The following ZNF804B variants were observed in gnomAD, a reference collection of about 807,000 sequenced individuals.
ZNF804B encodes zinc finger 804B.
In ZNF804B, 80 loss-of-function variants were observed where a neutral mutation model predicts 101.4. The ratio of observed to expected loss-of-function variants is 0.79; its 90% confidence interval spans 0.66 to 0.95. ZNF804B has a LOEUF of 0.95. Among genes scored for constraint, ZNF804B ranks in the 40% least tolerant of loss-of-function variants. ZNF804B has a pLI of 0.00. For synonymous variants in ZNF804B, 622 were observed against 558.8 expected (o/e 1.11, Z -1.59); for missense variants, 1,673 against 1,561.9 (o/e 1.07, Z -1.20).
At chr7:89,332,004 A>G (rs1790991840) in intron 3 of ZNF804B, among the ~76,000 whole-genome samples, 1 of 151,334 alleles carries the variant, frequency 6.6e-6, no homozygotes, top group Non-Finnish European at 1.5e-5. Context: ...ACATATATGT[A>G]TATATTAATA....
At chr7:88,980,073 T>A (rs1191191440) in intron 1 of ZNF804B, among the ~76,000 whole-genome samples, 3 of 151,906 alleles carry the variant, frequency 2.0e-5, no homozygotes, top group Admixed American at 6.6e-5. Flanking sequence ...TTCTTTTTTT[T>A]TTATTATTAT....
chr7:88,903,350 A>G (rs1792420530), intron 1 of ZNF804B, among the ~76,000 whole-genome samples: 1 of 152,086 alleles, frequency 6.6e-6, no homozygotes. Context: ...TATCCAGTCC[A>G]CCATTGATGG....
chr7:89,128,584 A>C (rs559170064), intron 1 of ZNF804B, among the ~76,000 whole-genome samples: 12 of 151,980 alleles, frequency 7.9e-5, no homozygotes, highest in Non-Finnish European at 1.8e-4. Context: ...AATGAGGTTG[A>C]ACATCTTTTT....
At chr7:88,931,011 A>G (rs1168897191) in intron 1 of ZNF804B, among the ~76,000 whole-genome samples, 1 of 151,860 alleles carries the variant, frequency 6.6e-6, no homozygotes, top group Non-Finnish European at 1.5e-5. Context: ...GAATTGAACC[A>G]TAACATTTAT....
chr7:88,801,548 C>T (rs763278152), intron 1 of ZNF804B, among the ~76,000 whole-genome samples: 16 of 152,078 alleles, frequency 1.1e-4, no homozygotes, highest in Non-Finnish European at 1.8e-4. Flanking sequence ...GCCAGCTTAA[C>T]AGTAAATTGT....
intron 1 of ZNF804B, chr7:88,794,274 G>T: frequency 6.2e-7 from 1 of 1,613,806 alleles, no homozygotes; most frequent in Non-Finnish European, 8.5e-7. Flanking sequence ...CCGGGTCCAT[G>T]AATTCTTCGG....
Position 89,334,088 on chromosome 7 carries a change from C to T in ZNF804B, c.1106C>T (p.Pro369Leu). ...TGCCAAGCAAATGCTTCCTTCAGCCCACCAAACATTTACAACCATAGTGAT... is the reference window on the plus strand; with the variant it reads ...TGCCAAGCAAATGCTTCCTTCAGCCTACCAAACATTTACAACCATAGTGAT... Reference protein sequence around the residue: ...HPCQANASFSPPNIYNHSDAR... With the variant: ...HPCQANASFSLPNIYNHSDAR... The change falls in exon 4 of 4, where the codon CCA (proline) becomes CTA (leucine). Residue 369 changes from proline to leucine, a missense_variant. Transcript: ENST00000333190. 6.2e-7 allele frequency: 1 copy of T among 1,613,640 alleles called. No homozygotes were observed. The highest frequency in any genetic ancestry group is 8.5e-7 in the Non-Finnish European group (1 of 1,179,820).
intron 2 of ZNF804B, among the ~76,000 whole-genome samples, chr7:89,285,838 TTTG>T (rs1209214630): frequency 6.6e-6 from 1 of 152,188 alleles, no homozygotes; most frequent in Non-Finnish European, 1.5e-5. Context: ...GCTGCCAGTT[TTTG>T]TTTTACAAGA....
chr7:89,253,737 C>T (rs6977968), intron 2 of ZNF804B, among the ~76,000 whole-genome samples: 5,339 of 152,096 alleles, frequency 0.035, 292 homozygotes, highest in African/African-American at 0.12. Context: ...ATGTATATTA[C>T]AGGCCCACCT....
In ZNF804B at chr7:89,219,827, G is replaced by A. The variant is rs569998632; in HGVS notation, c.249+1532G>A. Among the ~76,000 whole-genome samples the A allele has an allele frequency of 1.1e-4, 16 of 147,456 alleles. No individual in the cohort carries two copies. In the South Asian group the frequency reaches 3.4e-3, roughly 31 times the overall value. On this transcript the variant is annotated intron_variant, in intron 2 of 3. Transcript: ENST00000333190. ...AGACATCACTAGCATTATATTGAGT[G>A]TATACTAAATATATATGTATATATA... is the stretch of plus-strand genomic sequence containing the variant.
intron 1 of ZNF804B, among the ~76,000 whole-genome samples, chr7:89,012,759 A>T (rs1788484352): frequency 6.6e-6 from 1 of 152,170 alleles, no homozygotes; most frequent in Non-Finnish European, 1.5e-5. Context: ...TCTGCCTGTT[A>T]CCCAGTTCTG....
chr7:89,047,612 C>T (rs1789130620), intron 1 of ZNF804B, among the ~76,000 whole-genome samples: 1 of 152,122 alleles, frequency 6.6e-6, no homozygotes, highest in Non-Finnish European at 1.5e-5. Context: ...TATAAATGTT[C>T]AATAAGCTAT....
At chr7:89,317,096 T>C (rs541320804) in intron 2 of ZNF804B, among the ~76,000 whole-genome samples, 61 of 152,294 alleles carry the variant, frequency 4.0e-4, no homozygotes, top group African/African-American at 1.4e-3. Flanking sequence ...AGACTAAGAC[T>C]AAGGCTGAAA....
intron 1 of ZNF804B, among the ~76,000 whole-genome samples, chr7:88,910,195 C>T (rs1049132442): frequency 6.6e-6 from 1 of 151,848 alleles, no homozygotes; most frequent in Non-Finnish European, 1.5e-5. Context: ...AGGTTTATCT[C>T]TCACCATTGG....
At chr7:89,138,816 T>G (rs1790674495) in intron 1 of ZNF804B, among the ~76,000 whole-genome samples, 1 of 152,134 alleles carries the variant, frequency 6.6e-6, no homozygotes, top group Non-Finnish European at 1.5e-5. Context: ...AGCTCTCTTT[T>G]TTTGCCTGCT....
At chr7:89,277,522 C>G (rs1341749998) in intron 2 of ZNF804B, among the ~76,000 whole-genome samples, 2 of 124,040 alleles carry the variant, frequency 1.6e-5, no homozygotes, top group African/African-American at 6.2e-5. Flanking sequence ...ACAACAGTCC[C>G]CAGAGTGTGA....
At chr7:89,185,046 C>G (rs903177046) in intron 1 of ZNF804B, among the ~76,000 whole-genome samples, 5 of 152,002 alleles carry the variant, frequency 3.3e-5, no homozygotes, top group Admixed American at 2.0e-4. Context: ...ATTATGGACT[C>G]TAAGGGATAC....
chr7:89,084,146 G>A (rs1276086612), intron 1 of ZNF804B, among the ~76,000 whole-genome samples: 1 of 151,928 alleles, frequency 6.6e-6, no homozygotes, highest in Non-Finnish European at 1.5e-5. Flanking sequence ...GAGCACAGCA[G>A]ATGGATTTTC....
At chr7:89,325,108 A>G (rs1790878838) in intron 2 of ZNF804B, among the ~76,000 whole-genome samples, 1 of 151,784 alleles carries the variant, frequency 6.6e-6, no homozygotes, top group Admixed American at 6.6e-5. Flanking sequence ...ACTGTTTCAG[A>G]TGATTTTTTT....
Sources: gnomAD v4.1 joint callset for allele counts (sites outside exome capture counted in the v4.1 genomes callset) on GRCh38, gnomAD v4.1.1 for gene constraint, MANE v1.5 for transcripts, NCBI Gene and HGNC (gene_info 2026-07-23, HGNC 2026-07-21) for gene names.